Variants in LOXL2 observed in about 807,000 individuals in gnomAD.
LOXL2 encodes the protein lysyl oxidase homolog 2.
LOXL2 carries 70 observed loss-of-function variants against 93.0 expected under a neutral mutation model. That is an observed-to-expected ratio of 0.75 (90% CI 0.62 to 0.92). The LOEUF (loss-of-function observed/expected upper bound fraction) is 0.92. LOXL2 is among the 40% of genes least tolerant of loss of function. LOXL2 has a pLI of 0.00. For synonymous variants in LOXL2, 438 were observed against 413.2 expected (o/e 1.06, Z -0.73); for missense variants, 973 against 1,054.9 (o/e 0.92, Z 1.08).
At chr8:23,325,026 T>C (rs976272250) in intron 6 of LOXL2, among the ~76,000 whole-genome samples, 15 of 152,222 alleles carry the variant, frequency 9.9e-5, no homozygotes, top group African/African-American at 2.9e-4. Flanking sequence ...CATGTGGCTA[T>C]TGAGCACTTG....
At chr8:23,300,900 C>T (rs1031589271) in intron 12 of LOXL2, among the ~76,000 whole-genome samples, 5 of 152,322 alleles carry the variant, frequency 3.3e-5, no homozygotes, top group South Asian at 4.1e-4. Context: ...CACATGGCCA[C>T]GGCTATTCAT....
intron 3 of LOXL2, among the ~76,000 whole-genome samples, chr8:23,345,876 G>A (rs922385030): frequency 5.9e-5 from 9 of 151,986 alleles, no homozygotes; most frequent in Admixed American, 4.6e-4. Flanking sequence ...GGACCATCCT[G>A]GCTAACACGG....
rs188000684 is a variant in LOXL2, at chr8:23,350,620, G to A, written c.532-9417C>T. On this transcript the variant is annotated intron_variant, in intron 3 of 13. Transcript: ENST00000389131. ...ATTCTTTAGCCTGTGACTTCTTGATGGAAGAAAGTGACAGAGGAAAGGCAT... is the reference window on the plus strand; with the variant it reads ...ATTCTTTAGCCTGTGACTTCTTGATAGAAGAAAGTGACAGAGGAAAGGCAT... Among the ~76,000 whole-genome samples the A allele has an allele frequency of 3.3e-5, 5 of 152,302 alleles. No individual in the cohort carries two copies. In the East Asian group the frequency reaches 9.6e-4, roughly 29 times the overall value.
Position 23,298,046 on chromosome 8 carries a change from C to T in LOXL2, c.2322G>A (p.Gln774=), listed in dbSNP as rs1329170502. 1.9e-6 allele frequency: 3 copies of T among 1,613,492 alleles called. No homozygotes were observed. Among genetic ancestry groups the T allele is most frequent in the Non-Finnish European group, 2.5e-6 (3 of 1,179,876 alleles). Residue 774 remains glutamine (Q), a synonymous_variant, in exon 14 of 14, where the codon CAG becomes CAA. Coordinates refer to ENST00000389131, the MANE Select transcript of LOXL2 (RefSeq NM_002318.3). ...GGAGTTGACCACGCAGGCTTCTTTACTGCGGGGACAGCTGGTTGTTTAAGA... is the reference window on the plus strand; with the variant it reads ...GGAGTTGACCACGCAGGCTTCTTTATTGCGGGGACAGCTGGTTGTTTAAGA... ...SGLLNNQLSP[Q]
At chr8:23,399,396 G>A (rs980542618) in intron 1 of LOXL2, among the ~76,000 whole-genome samples, 1 of 152,144 alleles carries the variant, frequency 6.6e-6, no homozygotes, top group African/African-American at 2.4e-5. Flanking sequence ...TGAGAGGTGG[G>A]GCCTTTAAGA....
rs2117181594 is a variant in LOXL2 at position 23,341,309 on chromosome 8, G to A, written c.532-106C>T. ...GCGACTATGGGCCAGGCCTGCCGCG[G>A]GCCTGCCTGTGCCCTCAGGCCCTGC... On this transcript the variant is annotated intron_variant, in intron 3 of 13. Coordinates refer to ENST00000389131, the MANE Select transcript of LOXL2 (RefSeq NM_002318.3). 3.2e-6 allele frequency: 3 copies of A among 924,426 alleles called. No individual in the cohort carries two copies. In the East Asian group the frequency reaches 7.7e-5, roughly 24 times the overall value. The allele number at this position is 924,426 out of a possible 1,614,324, so 57.3% of individuals were successfully genotyped here. A position where few individuals can be genotyped will look rare whatever the true frequency, so the allele number is the denominator to read the frequency against.
chr8:23,359,057 T>C (rs1001857754), intron 3 of LOXL2, among the ~76,000 whole-genome samples: 6 of 152,150 alleles, frequency 3.9e-5, no homozygotes, highest in Non-Finnish European at 7.3e-5. Context: ...TTTCACCGTG[T>C]TAGCCAGGAT....
At chr8:23,344,338 T>C (rs1185562842) in intron 3 of LOXL2, among the ~76,000 whole-genome samples, 1 of 152,128 alleles carries the variant, frequency 6.6e-6, no homozygotes, top group Non-Finnish European at 1.5e-5. Flanking sequence ...GCATACGTGT[T>C]TATGCATCTC....
At chr8:23,308,242 C>T (rs1803264001) in intron 10 of LOXL2, among the ~76,000 whole-genome samples, 1 of 152,202 alleles carries the variant, frequency 6.6e-6, no homozygotes, top group Admixed American at 6.5e-5. Flanking sequence ...ATCATCTAGA[C>T]AACGGCTTCT....
At chr8:23,352,848 C>G (rs147400028) in intron 3 of LOXL2, among the ~76,000 whole-genome samples, 124 of 152,038 alleles carry the variant, frequency 8.2e-4, no homozygotes, top group Non-Finnish European at 1.5e-3. Flanking sequence ...CCTGGGCTGC[C>G]CACTTTCACA....
chr8:23,387,923 C>T (rs928376639), intron 1 of LOXL2, among the ~76,000 whole-genome samples: 26 of 152,192 alleles, frequency 1.7e-4, no homozygotes, highest in Admixed American at 1.6e-3. Context: ...CACTCCAGCC[C>T]GGGCGACAAG....
intron 6 of LOXL2, among the ~76,000 whole-genome samples, chr8:23,327,931 G>GT (rs1413285993): frequency 6.6e-6 from 1 of 152,234 alleles, no homozygotes; most frequent in Non-Finnish European, 1.5e-5. Flanking sequence ...CAGGGAGGGA[G>GT]TGTGTGCAGG....
At chr8:23,403,576 A>T (rs1454321038) in intron 1 of LOXL2, among the ~76,000 whole-genome samples, 1 of 151,952 alleles carries the variant, frequency 6.6e-6, no homozygotes, top group Non-Finnish European at 1.5e-5. Flanking sequence ...TCAAAGCCAG[A>T]ATTCCGGAGA....
chr8:23,354,987 T>G (rs28479660), intron 3 of LOXL2, among the ~76,000 whole-genome samples: 1 of 128,718 alleles, frequency 7.8e-6, no homozygotes, highest in Non-Finnish European at 1.6e-5. Flanking sequence ...TGAGACAGTT[T>G]TGCTCTTGTT....
chr8:23,334,824 T>G (rs983221673), intron 4 of LOXL2, among the ~76,000 whole-genome samples: 73 of 151,584 alleles, frequency 4.8e-4, no homozygotes, highest in Middle Eastern at 3.4e-3. Context: ...TGTTGTTGTT[T>G]TTTTTTTTTT....
At chr8:23,397,223 T>C (rs575009132) in intron 1 of LOXL2, among the ~76,000 whole-genome samples, 276 of 152,162 alleles carry the variant, frequency 1.8e-3, no homozygotes, top group Non-Finnish European at 3.2e-3. Context: ...GGAGTTAGTG[T>C]TCAATGGGTA....
At chr8:23,377,161 A>G (rs529617101) in intron 1 of LOXL2, among the ~76,000 whole-genome samples, 1 of 152,258 alleles carries the variant, frequency 6.6e-6, no homozygotes, top group South Asian at 2.1e-4. Context: ...ATTGGTTTCA[A>G]AGAACATCTT....
chr8:23,400,052 G>C (rs1261154708), intron 1 of LOXL2, among the ~76,000 whole-genome samples: 3 of 152,184 alleles, frequency 2.0e-5, no homozygotes, highest in Non-Finnish European at 2.9e-5. Flanking sequence ...TGTGCCAAGA[G>C]ATTCCTTTTT....
At chr8:23,321,084 TCCAATGCATCCACTTC>T (rs1803489516) in intron 7 of LOXL2, among the ~76,000 whole-genome samples, 2 of 151,828 alleles carry the variant, frequency 1.3e-5, no homozygotes, top group Non-Finnish European at 2.9e-5. Context: ...CTCGTCTCTC[TCCAATGCATCCACTTC>T]CCTCCAGTCC....
Sources: gnomAD v4.1 joint callset for allele counts (sites outside exome capture counted in the v4.1 genomes callset) on GRCh38, gnomAD v4.1.1 for gene constraint, MANE v1.5 for transcripts, NCBI Gene and HGNC (gene_info 2026-07-23, HGNC 2026-07-21) for gene names.